The following SLC13A3 variants were observed in gnomAD, a reference collection of about 807,000 sequenced individuals.
The protein encoded by SLC13A3 is solute carrier family 13 member 3, also known as Na(+)/dicarboxylate cotransporter 3.
SLC13A3 carries 40 observed loss-of-function variants against 59.0 expected under a neutral mutation model. That is an observed-to-expected ratio of 0.68 (90% CI 0.53 to 0.88). The LOEUF (loss-of-function observed/expected upper bound fraction) is 0.88. SLC13A3 is among the 40% of genes least tolerant of loss of function. The probability of loss-of-function intolerance (pLI) is 0.00; values close to 1 mark genes in which losing one functional copy is unlikely to be tolerated. For synonymous variants in SLC13A3, 317 were observed against 330.3 expected, an observed-to-expected ratio of 0.96 and a Z score of 0.44; for missense variants, 699 against 783.2, an observed-to-expected ratio of 0.89 and a Z score of 1.28.
intron 1 of SLC13A3, among the ~76,000 whole-genome samples, chr20:46,629,829 C>G (rs565719192): frequency 6.6e-6 from 1 of 152,074 alleles, no homozygotes; most frequent in African/African-American, 2.4e-5. Context: ...TACATTTCAC[C>G]GAAAAATATC....
chr20:46,607,985 A>G (rs2062452732), intron 3 of SLC13A3, among the ~76,000 whole-genome samples: 1 of 152,208 alleles, frequency 6.6e-6, no homozygotes, highest in African/African-American at 2.4e-5. Flanking sequence ...TTAGAGGCCC[A>G]GTGTACAAAA....
chr20:46,580,490 C>T (rs1050770299), intron 9 of SLC13A3, among the ~76,000 whole-genome samples: 7 of 148,376 alleles, frequency 4.7e-5, no homozygotes, highest in African/African-American at 1.7e-4. Flanking sequence ...ATTTATAAAA[C>T]ATATAAATAT....
chr20:46,559,909 T>G lies in SLC13A3; in HGVS notation c.*113A>C. ...GCCACTGGAGGTCACCCTTGCTTGC[T>G]GCATATTGGATTACAGAAAAGAATT... is the stretch of plus-strand genomic sequence containing the variant. On this transcript the variant is annotated 3_prime_UTR_variant, in exon 13 of 13. Transcript: ENST00000279027. 2 of 1,100,746 alleles carry G rather than the reference T, an allele frequency of 1.8e-6. No individual in the cohort carries two copies. The highest frequency in any genetic ancestry group is 3.1e-5 in the South Asian group (2 of 64,054). The allele number at this position is 1,100,746 out of a possible 1,614,324, so 68.2% of individuals were successfully genotyped here. A position where few individuals can be genotyped will look rare whatever the true frequency, so the allele number is the denominator to read the frequency against.
chr20:46,652,645 C>A (rs994844961), upstream of SLC13A3, among the ~76,000 whole-genome samples: 1 of 151,086 alleles, frequency 6.6e-6, no homozygotes, highest in African/African-American at 2.4e-5. Flanking sequence ...CCGCCCATCT[C>A]GGGCCTCCCA....
intron 10 of SLC13A3, among the ~76,000 whole-genome samples, chr20:46,570,401 C>T (rs182636867): frequency 1.3e-5 from 2 of 152,146 alleles, no homozygotes; most frequent in Non-Finnish European, 2.9e-5. Flanking sequence ...AAGCCCATCA[C>T]GAATTGAGAA....
At chr20:46,626,939 C>T (rs2062680298) in intron 1 of SLC13A3, among the ~76,000 whole-genome samples, 1 of 152,182 alleles carries the variant, frequency 6.6e-6, no homozygotes, top group Admixed American at 6.5e-5. Context: ...GCTGTTCAGC[C>T]CTCACTTCAA....
chr20:46,680,512 G>A (rs2063149148), intron 1 of SLC13A3, among the ~76,000 whole-genome samples: 1 of 152,330 alleles, frequency 6.6e-6, no homozygotes, highest in South Asian at 2.1e-4. Flanking sequence ...TCAGCAGTCA[G>A]CTCCTGTGGT....
intron 12 of SLC13A3, among the ~76,000 whole-genome samples, chr20:46,562,315 C>A (rs1430632195): frequency 3.3e-5 from 5 of 152,202 alleles, no homozygotes; most frequent in Non-Finnish European, 7.3e-5. Context: ...TCCACTGCAG[C>A]CACCCCAGCC....
chr20:46,566,247 C>A lies in SLC13A3; in HGVS notation c.1476G>T (p.Leu492=). The change falls in exon 11 of 13, where the codon CTG becomes CTT. Residue 492 remains leucine (L), a synonymous_variant. Coordinates refer to ENST00000279027, the MANE Select transcript of SLC13A3 (RefSeq NM_022829.6). The part of the protein sequence containing the change: ...ASNTATIIIF[L]PVLAELAIRL... ...CCCTCACCAGCTCTGCCAGGACCGG[C>A]AGGAAGATGATGATGGTCGCCGTGT... is the stretch of plus-strand genomic sequence containing the variant. 3 of 1,613,476 alleles carry A rather than the reference C, an allele frequency of 1.9e-6. No individual in the cohort carries two copies. The highest frequency in any genetic ancestry group is 2.5e-6 in the Non-Finnish European group (3 of 1,179,606).
chr20:46,662,440 C>T (rs1171609869), intron 1 of SLC13A3, among the ~76,000 whole-genome samples: 1 of 152,064 alleles, frequency 6.6e-6, no homozygotes. Flanking sequence ...ATGTGAAAGT[C>T]AAAGAATATT....
At chr20:46,671,753 G>C (rs926146962), upstream of SLC13A3, among the ~76,000 whole-genome samples, 11 of 152,192 alleles carry the variant, frequency 7.2e-5, no homozygotes, top group Non-Finnish European at 1.2e-4. Context: ...CATTGGAGGA[G>C]TCTTGCACCA....
At chr20:46,587,054 A>G (rs1425331422) in intron 8 of SLC13A3, among the ~76,000 whole-genome samples, 3 of 152,278 alleles carry the variant, frequency 2.0e-5, no homozygotes, top group East Asian at 3.8e-4. Flanking sequence ...TGTAAAAATC[A>G]TTCAAAATCA....
intron 7 of SLC13A3, 59 bp downstream of exon 7, chr20:46,589,101 G>A: frequency 2.0e-6 from 3 of 1,469,412 alleles, no homozygotes; most frequent in African/African-American, 2.8e-5. Flanking sequence ...AGGCCAGGAG[G>A]AAGCTCTCCT....
intron 11 of SLC13A3, among the ~76,000 whole-genome samples, chr20:46,565,661 G>A (rs1365880857): frequency 6.6e-6 from 1 of 152,174 alleles, no homozygotes; most frequent in Non-Finnish European, 1.5e-5. Context: ...TCATCAGCTG[G>A]GTAGGGGGAA....
chr20:46,580,734 G>C (rs373642647), intron 9 of SLC13A3, among the ~76,000 whole-genome samples: 5 of 152,042 alleles, frequency 3.3e-5, no homozygotes, highest in African/African-American at 9.7e-5. Context: ...GAGGTAGGAG[G>C]CAGGACTCAC....
intron 10 of SLC13A3, among the ~76,000 whole-genome samples, chr20:46,567,593 C>G (rs1041893116): frequency 6.6e-6 from 1 of 152,146 alleles, no homozygotes; most frequent in Non-Finnish European, 1.5e-5. Flanking sequence ...AGTGCTGACT[C>G]CAGTCCTCCA....
At chr20:46,598,100 A>T (rs1255377127) in intron 4 of SLC13A3, among the ~76,000 whole-genome samples, 1 of 152,230 alleles carries the variant, frequency 6.6e-6, no homozygotes, top group Non-Finnish European at 1.5e-5. Context: ...CAATTTTTTT[A>T]AATTAAAGTG....
At chr20:46,631,494 C>T (rs2062736222) in intron 1 of SLC13A3, among the ~76,000 whole-genome samples, 1 of 152,150 alleles carries the variant, frequency 6.6e-6, no homozygotes, top group South Asian at 2.1e-4. Context: ...TATCATGCAG[C>T]AGGAGTTGGG....
chr20:46,648,859 C>T (rs760604889), intron 1 of SLC13A3, among the ~76,000 whole-genome samples: 2 of 151,494 alleles, frequency 1.3e-5, no homozygotes, highest in Non-Finnish European at 2.9e-5. Flanking sequence ...GAGCCAAGAT[C>T]GTGCCACTGC....
Sources: gnomAD v4.1 joint callset for allele counts (sites outside exome capture counted in the v4.1 genomes callset) on GRCh38, gnomAD v4.1.1 for gene constraint, MANE v1.5 for transcripts, NCBI Gene and HGNC (gene_info 2026-07-23, HGNC 2026-07-21) for gene names.